ALPK1: variants seen among roughly 807,000 people sequenced by gnomAD.
ALPK1 encodes the protein alpha-protein kinase 1.
ALPK1 carries 110 observed loss-of-function variants against 120.6 expected under a neutral mutation model. That is an observed-to-expected ratio of 0.91 (90% CI 0.78 to 1.07). The LOEUF is 1.07. ALPK1 is among the 50% of genes least tolerant of loss of function. The pLI is 0.00. For synonymous variants in ALPK1, 582 were observed against 560.3 expected, an observed-to-expected ratio of 1.04 and a Z score of -0.55; for missense variants, 1,498 against 1,483.9, an observed-to-expected ratio of 1.01 and a Z score of -0.16.
intron 1 of ALPK1, among the ~76,000 whole-genome samples, chr4:112,301,203 A>C (rs1004769822): frequency 3.9e-5 from 6 of 152,178 alleles, no homozygotes; most frequent in African/African-American, 1.4e-4. Context: ...GTCATGCCCC[A>C]AATAATTATT....
At chr4:112,435,021 G>C (rs1334236793) in intron 11 of ALPK1, 127 bp from the exon 12 acceptor site, 1 of 886,818 alleles carries the variant, frequency 1.1e-6, no homozygotes. Context: ...ATGAAAATTA[G>C]AGAAAAGTGT....
chr4:112,431,616 T>C lies in ALPK1; in HGVS notation c.2069T>C (p.Leu690Pro). The C allele has an allele frequency of 6.2e-7, 1 of 1,614,166 alleles. No homozygotes were observed. The highest frequency in any genetic ancestry group is 8.5e-7 in the Non-Finnish European group (1 of 1,180,014). ...ATTTTCTTGGCCCCTGGTGCAGGGCTTCTAGAAGGAGCTCCAGAAGGTATC... is the reference window on the plus strand; with the variant it reads ...ATTTTCTTGGCCCCTGGTGCAGGGCCTCTAGAAGGAGCTCCAGAAGGTATC... ...PGIFLAPGAG[L>P]LEGAPEGIQE... is the part of the protein sequence containing the mutation. The change falls in exon 11 of 16, where the codon CTT becomes CCT. Residue 690 changes from leucine (L) to proline (P), a missense_variant. Leu to Pro is a moderately conservative substitution (Grantham distance 98). Transcript: ENST00000650871.
chr4:112,369,242 T>A (rs1859142), intron 2 of ALPK1, among the ~76,000 whole-genome samples: 52,625 of 152,048 alleles, frequency 0.35, 10,100 homozygotes, highest in Middle Eastern at 0.44. Context: ...TGCTGACAAA[T>A]GCCTGTTACC....
intron 1 of ALPK1, among the ~76,000 whole-genome samples, chr4:112,308,048 GT>G (rs1160481553): frequency 4.3e-4 from 66 of 151,934 alleles, no homozygotes; most frequent in Admixed American, 7.9e-4. Context: ...TTGAAAATTC[GT>G]TTCTTTAAGA....
At chr4:112,309,615 G>A (rs187557818) in intron 1 of ALPK1, among the ~76,000 whole-genome samples, 2 of 152,178 alleles carry the variant, frequency 1.3e-5, no homozygotes, top group Non-Finnish European at 2.9e-5. Flanking sequence ...CCCGTCTTCT[G>A]CATTGCTCAC....
intron 9 of ALPK1, 98 bp downstream of exon 9, chr4:112,427,763 G>A: frequency 1.2e-6 from 1 of 836,152 alleles, no homozygotes; most frequent in South Asian, 1.5e-5. Context: ...TTGGGAGGCA[G>A]GGAGCTCAGT....
intron 4 of ALPK1, chr4:112,383,349 AT>A (rs2148729946): frequency 6.6e-6 from 1 of 152,116 alleles, no homozygotes; most frequent in Non-Finnish European, 1.5e-5. Context: ...GCATGACAAT[AT>A]CCTAAAATTT....
At chr4:112,357,758 A>C in intron 2 of ALPK1, 2 of 1,211,988 alleles carry the variant, frequency 1.7e-6, no homozygotes, top group Non-Finnish European at 2.5e-6. Context: ...GCTCTGGGCA[A>C]CATCGCCCGC....
At chr4:112,359,147 G>A in intron 2 of ALPK1, 1 of 679,656 alleles carries the variant, frequency 1.5e-6, no homozygotes, top group Non-Finnish European at 2.7e-6. Context: ...ATCCCAGAGA[G>A]CACCTCAACC....
chr4:112,398,145 A>T (rs1365789793), intron 4 of ALPK1, among the ~76,000 whole-genome samples: 2 of 152,178 alleles, frequency 1.3e-5, no homozygotes, highest in Non-Finnish European at 2.9e-5. Context: ...AGATGGAAGG[A>T]GCAACAAATA....
At chr4:112,402,857 G>A (rs551560118) in intron 4 of ALPK1, among the ~76,000 whole-genome samples, 1 of 152,254 alleles carries the variant, frequency 6.6e-6, no homozygotes, top group Non-Finnish European at 1.5e-5. Flanking sequence ...CACTAAAACT[G>A]TTACTGTGAC....
At chr4:112,382,966 G>A (rs1194224406) in intron 4 of ALPK1, 1 of 196,362 alleles carries the variant, frequency 5.1e-6, no homozygotes, top group East Asian at 1.4e-4. Context: ...AGCTACTGAA[G>A]TCTGGCATAT....
At chr4:112,325,396 G>C (rs1341695610) in intron 2 of ALPK1, among the ~76,000 whole-genome samples, 1 of 152,188 alleles carries the variant, frequency 6.6e-6, no homozygotes, top group East Asian at 1.9e-4. Flanking sequence ...GAAATGTATA[G>C]TTAAGCAAAT....
At chr4:112,427,878 G>A (rs1366970170) in intron 9 of ALPK1, 1 of 406,686 alleles carries the variant, frequency 2.5e-6, no homozygotes, top group Non-Finnish European at 4.4e-6. Flanking sequence ...CACTCAGAGA[G>A]TGCTCAGAAA....
At chr4:112,368,356 C>T (rs947260032) in intron 2 of ALPK1, among the ~76,000 whole-genome samples, 1 of 152,158 alleles carries the variant, frequency 6.6e-6, no homozygotes, top group Non-Finnish European at 1.5e-5. Context: ...ATATTTTCAA[C>T]ACATTAATTC....
chr4:112,315,350 G>A (rs1013226483), intron 1 of ALPK1, among the ~76,000 whole-genome samples: 2 of 152,182 alleles, frequency 1.3e-5, no homozygotes, highest in African/African-American at 2.4e-5. Flanking sequence ...CAGGAGATAA[G>A]ATGTCAACCC....
At chr4:112,309,536 A>G (rs1278778673) in intron 1 of ALPK1, among the ~76,000 whole-genome samples, 1 of 151,972 alleles carries the variant, frequency 6.6e-6, no homozygotes, top group Non-Finnish European at 1.5e-5. Flanking sequence ...TGGGTGTGGG[A>G]CCCTCCGAGC....
At chr4:112,327,276 A>G (rs146841854) in intron 2 of ALPK1, among the ~76,000 whole-genome samples, 1 of 152,218 alleles carries the variant, frequency 6.6e-6, no homozygotes, top group Non-Finnish European at 1.5e-5. Context: ...GTAGCCTCAG[A>G]TTTCTCATCC....
intron 2 of ALPK1, chr4:112,357,293 C>T: frequency 9.7e-7 from 1 of 1,028,296 alleles, no homozygotes. Context: ...CACAGCCGGA[C>T]TGCAGAAGCT....
Sources: allele counts gnomAD v4.1 joint callset (sites outside exome capture counted in the v4.1 genomes callset), GRCh38; gene constraint gnomAD v4.1.1; transcripts MANE v1.5; gene names NCBI Gene and HGNC (gene_info 2026-07-23, HGNC 2026-07-21).